LAMA2: variants seen among roughly 807,000 people sequenced by gnomAD.
The protein encoded by LAMA2 is laminin subunit alpha-2.
A neutral mutation model predicts 364.8 loss-of-function variants in LAMA2; 269 were observed. That is an observed-to-expected ratio of 0.74 (90% CI 0.67 to 0.82). The LOEUF (loss-of-function observed/expected upper bound fraction) is 0.82, where lower values mean the gene tolerates loss of function less well. Ranked by LOEUF, LAMA2 falls within the 40% of genes least tolerant of loss-of-function variation. LAMA2 has a pLI of 0.00. For missense variants in LAMA2, 3,807 were observed against 3,873.2 expected (o/e 0.98, Z 0.45); for synonymous variants, 1,379 against 1,370.6 (o/e 1.01, Z -0.14).
At chr6:128,938,637 T>C (rs1176024007) in intron 1 of LAMA2, among the ~76,000 whole-genome samples, 2 of 152,338 alleles carry the variant, frequency 1.3e-5, no homozygotes, top group African/African-American at 2.4e-5. Context: ...TGTTAAAATG[T>C]ACTTCTCAGA....
chr6:129,304,429 A>T (rs922509332), intron 22 of LAMA2, among the ~76,000 whole-genome samples: 11 of 152,102 alleles, frequency 7.2e-5, no homozygotes, highest in African/African-American at 2.7e-4. Flanking sequence ...ACGCCCGGCT[A>T]ATTTTTTGTA....
chr6:129,252,601 G>T (rs1201426400), intron 14 of LAMA2, among the ~76,000 whole-genome samples: 1 of 152,080 alleles, frequency 6.6e-6, no homozygotes, highest in Non-Finnish European at 1.5e-5. Context: ...CTTTATGATG[G>T]CTCATAGCGT....
chr6:129,311,726 C>A (rs1248496896), intron 22 of LAMA2, among the ~76,000 whole-genome samples: 1 of 151,918 alleles, frequency 6.6e-6, no homozygotes, highest in Non-Finnish European at 1.5e-5. Context: ...AGAGCAGAAA[C>A]CTTTAAAAGG....
Position 129,024,140 on chromosome 6 carries a change from A to G in LAMA2, c.113-25778A>G, listed in dbSNP as rs145850115. Among the ~76,000 whole-genome samples, 26 of 152,320 alleles carry G rather than the reference A, an allele frequency of 1.7e-4. 1 individual carries two copies. In the East Asian group the frequency reaches 5.0e-3, roughly 29 times the overall value. On this transcript the variant is annotated intron_variant, in intron 1 of 64. Transcript: ENST00000421865. The stretch of plus-strand genomic sequence containing the variant: ...GCATTTCTGAACGTTAATTTGTATT[A>G]AAAGCAGCATGACTCAGAAATTTTA...
At chr6:129,265,375 T>A (rs1787433249) in intron 15 of LAMA2, among the ~76,000 whole-genome samples, 1 of 152,104 alleles carries the variant, frequency 6.6e-6, no homozygotes, top group Non-Finnish European at 1.5e-5. Flanking sequence ...ATTTGCAGAG[T>A]ATTAAAACAA....
chr6:129,291,231 G>A (rs1055183095), intron 19 of LAMA2, among the ~76,000 whole-genome samples: 9 of 152,178 alleles, frequency 5.9e-5, no homozygotes, highest in African/African-American at 1.7e-4. Flanking sequence ...GTTACACCTT[G>A]AGTCAAGAAC....
chr6:129,009,725 G>T (rs1784651158), intron 1 of LAMA2, among the ~76,000 whole-genome samples: 1 of 152,148 alleles, frequency 6.6e-6, no homozygotes, highest in Non-Finnish European at 1.5e-5. Flanking sequence ...GGCACAGAGT[G>T]AGTTCTTTAT....
At chr6:129,510,869 A>G (rs919189954) in intron 62 of LAMA2, among the ~76,000 whole-genome samples, 1 of 152,104 alleles carries the variant, frequency 6.6e-6, no homozygotes, top group Non-Finnish European at 1.5e-5. Context: ...AACACAGGAT[A>G]TGTTAAATAT....
intron 3 of LAMA2, among the ~76,000 whole-genome samples, chr6:129,066,050 T>C (rs1273477341): frequency 1.1e-5 from 1 of 93,798 alleles, no homozygotes; most frequent in Non-Finnish European, 2.3e-5. Flanking sequence ...TTTTTTTTTT[T>C]TTTTTTTTTT....
intron 12 of LAMA2, among the ~76,000 whole-genome samples, chr6:129,226,043 G>T (rs1242968740): frequency 1.3e-5 from 2 of 152,158 alleles, no homozygotes; most frequent in Non-Finnish European, 2.9e-5. Context: ...ATATATTTAG[G>T]ATAGTTAGCT....
At chr6:128,918,544 A>G (rs1295118191) in intron 1 of LAMA2, among the ~76,000 whole-genome samples, 2 of 152,188 alleles carry the variant, frequency 1.3e-5, no homozygotes, top group Non-Finnish European at 2.9e-5. Context: ...CCTCCCGTAA[A>G]CACTATCTAG....
Position 129,037,551 on chromosome 6 carries a change from G to A in LAMA2, c.113-12367G>A, listed in dbSNP as rs145802868. On this transcript the variant is annotated intron_variant, in intron 1 of 64. Transcript: ENST00000421865. ...TTTTTCGAGAAATACATACACATGT[G>A]TGTGTATGTGTGTGTATAAGTATCT... 6.4e-3 allele frequency among the ~76,000 whole-genome samples: 976 copies of A among 152,190 alleles called. 6 individuals carry two copies. Among genetic ancestry groups the A allele is most frequent in the African/African-American group, 0.022 (932 of 41,538 alleles).
At chr6:129,395,836 A>G (rs1779583597) in intron 37 of LAMA2, among the ~76,000 whole-genome samples, 1 of 152,218 alleles carries the variant, frequency 6.6e-6, no homozygotes, top group Non-Finnish European at 1.5e-5. Flanking sequence ...ACTGGGAAAA[A>G]CATATACAAA....
chr6:129,209,605 A>C (rs1583256559), intron 12 of LAMA2, among the ~76,000 whole-genome samples: 1 of 152,330 alleles, frequency 6.6e-6, no homozygotes, highest in Non-Finnish European at 1.5e-5. Context: ...GGGTTCAGCA[A>C]AACTGTTAAA....
chr6:128,898,713 C>A (rs1188449661), intron 1 of LAMA2, among the ~76,000 whole-genome samples: 1 of 152,194 alleles, frequency 6.6e-6, no homozygotes, highest in Non-Finnish European at 1.5e-5. Flanking sequence ...TAGATCTTTC[C>A]TCTGCTTAAA....
At chr6:129,329,398 CTG>C (rs1261912919) in intron 29 of LAMA2, among the ~76,000 whole-genome samples, 1 of 152,072 alleles carries the variant, frequency 6.6e-6, no homozygotes, top group Non-Finnish European at 1.5e-5. Context: ...CTGACTCACT[CTG>C]TCGTGCAGGC....
At chr6:128,927,185 C>T (rs939730825) in intron 1 of LAMA2, among the ~76,000 whole-genome samples, 2 of 152,202 alleles carry the variant, frequency 1.3e-5, no homozygotes, top group Non-Finnish European at 2.9e-5. Context: ...TCTCCCTCCT[C>T]TCTTCTCATT....
chr6:128,977,812 G>A (rs1305541339), intron 1 of LAMA2, among the ~76,000 whole-genome samples: 1 of 152,138 alleles, frequency 6.6e-6, no homozygotes, highest in Non-Finnish European at 1.5e-5. Context: ...TACAGTGGAG[G>A]AAGACTTATT....
chr6:129,157,331 T>C (rs1215021297), intron 8 of LAMA2, among the ~76,000 whole-genome samples: 2 of 152,188 alleles, frequency 1.3e-5, no homozygotes, highest in Non-Finnish European at 2.9e-5. Context: ...ATATAAAGAA[T>C]GAAGTGTTTA....
Sources: gnomAD v4.1 joint callset for allele counts (sites outside exome capture counted in the v4.1 genomes callset) on GRCh38, gnomAD v4.1.1 for gene constraint, MANE v1.5 for transcripts, NCBI Gene and HGNC (gene_info 2026-07-23, HGNC 2026-07-21) for gene names.